Variants in ZNF140 observed in about 807,000 individuals in gnomAD.
ZNF140 encodes zinc finger protein 140, also known as zinc finger protein 140 (clone pHZ-39).
A neutral mutation model predicts 12.9 loss-of-function variants in ZNF140; 13 were observed. The observed-to-expected ratio is 1.01, with a 90% confidence interval of 0.66 to 1.60. ZNF140 has a LOEUF of 1.60. Ranked by LOEUF, ZNF140 falls within the 40% of genes most tolerant of loss-of-function variation. The pLI, the probability that ZNF140 is intolerant of heterozygous loss-of-function variation, is 0.00. For synonymous variants in ZNF140, 214 were observed against 186.7 expected, an observed-to-expected ratio of 1.15 and a Z score of -1.19; for missense variants, 531 against 548.8, an observed-to-expected ratio of 0.97 and a Z score of 0.32.
At position 133,106,464 on chromosome 12, in the gene ZNF140, G is replaced by A. The variant is rs767417735; in HGVS notation, c.1187G>A (p.Arg396Gln). The A allele has an allele frequency of 4.3e-6, 7 of 1,613,990 alleles. No individual in the cohort carries two copies. Among genetic ancestry groups the A allele is most frequent in the Admixed American group, 1.7e-5 (1 of 60,018 alleles). The change falls in exon 5 of 5, where the codon CGG (arginine) becomes CAG (glutamine). Residue 396 changes from arginine (R) to glutamine (Q), a missense_variant. Physicochemically the swap from Arg to Gln is conservative, Grantham distance 43. Transcript: ENST00000355557. ...ACAECDKAFS[R>Q]SFSLILHQRT... is the part of the protein sequence containing the mutation. ...GCTGAATGTGATAAAGCCTTCAGCC[G>A]GAGCTTTTCCCTCATTCTACATCAG...
Position 133,084,192 on chromosome 12 carries a change from C to A in ZNF140, c.232+631C>A. ...TTTTTGTTTTTTCTTTCCTTTCTTT[C>A]TTCAAATGGACATACATTTCTATTG... On this transcript the variant is annotated intron_variant, in intron 4 of 4. Coordinates refer to ENST00000355557, the MANE Select transcript of ZNF140 (RefSeq NM_003440.4). 7.0e-6 allele frequency: 3 copies of A among 425,978 alleles called. 1 individual carries two copies. The highest frequency in any genetic ancestry group is 5.2e-5 in the South Asian group (3 of 57,850). The allele number at this position is 425,978 out of a possible 1,614,324, so 26.4% of individuals were successfully genotyped here. A position where few individuals can be genotyped will look rare whatever the true frequency, so the allele number is the denominator to read the frequency against.
At position 133,106,808 on chromosome 12, in the gene ZNF140, A is replaced by C. The variant is rs1048042594; in HGVS notation, c.*157A>C. 1.0e-5 allele frequency: 6 copies of C among 589,124 alleles called. No homozygotes were observed. The highest frequency in any genetic ancestry group is 3.2e-5 in the East Asian group (1 of 31,532). The allele number at this position is 589,124 out of a possible 1,614,324, so 36.5% of individuals were successfully genotyped here. ...TATTCACCACCCTGGAGAAAAAAAAACCCAGGAATATGTGGAAAAGCCATT... is the reference window on the plus strand; with the variant it reads ...TATTCACCACCCTGGAGAAAAAAAACCCCAGGAATATGTGGAAAAGCCATT... On this transcript the variant is annotated 3_prime_UTR_variant, in exon 5 of 5. Coordinates refer to ENST00000355557, the MANE Select transcript of ZNF140 (RefSeq NM_003440.4).
intron 4 of ZNF140, among the ~76,000 whole-genome samples, chr12:133,084,857 C>T (rs1215935924): frequency 6.6e-6 from 1 of 152,112 alleles, no homozygotes; most frequent in African/African-American, 2.4e-5. Flanking sequence ...AAAGGAGGTA[C>T]TAATGTGGGC....
At position 133,081,377 on chromosome 12, in the gene ZNF140, TTA is replaced by T. The variant is rs1566299459; in HGVS notation, c.9+50_9+51del. On this transcript the variant is annotated intron_variant, in intron 2 of 4. Transcript: ENST00000355557. Reference sequence around the variant, plus strand: ...TATATATATATATATATATAAATTTTTATTTTTTTTTTAAGAGAGAGACAGGG... The same window carrying T: ...TATATATATATATATATATAAATTTTTTTTTTTTTTAAGAGAGAGACAGGG... 2.0e-4 allele frequency: 25 copies of T among 126,684 alleles called. 1 individual carries two copies. Among genetic ancestry groups the T allele is most frequent in the South Asian group, 1.5e-3 (9 of 5,960 alleles). The allele number at this position is 126,684 out of a possible 1,614,324, so 7.8% of individuals were successfully genotyped here.
At chr12:133,088,688 C>T (rs1954761989) in intron 4 of ZNF140, among the ~76,000 whole-genome samples, 2 of 152,170 alleles carry the variant, frequency 1.3e-5, no homozygotes, top group African/African-American at 4.8e-5. Context: ...AAATGTCTTC[C>T]AAAGTGATTG....
At chr12:133,099,964 T>C (rs1955276889) in intron 4 of ZNF140, among the ~76,000 whole-genome samples, 2 of 151,782 alleles carry the variant, frequency 1.3e-5, no homozygotes, top group South Asian at 4.2e-4. Context: ...ACTTCAAATA[T>C]TTCACTCCAC....
chr12:133,090,549 T>G (rs891118763), intron 4 of ZNF140, among the ~76,000 whole-genome samples: 7 of 152,068 alleles, frequency 4.6e-5, no homozygotes, highest in African/African-American at 1.2e-4. Flanking sequence ...AGGGGTGGCC[T>G]GCCCCTCCAC....
At chr12:133,100,292 TGAGTA>T (rs1190410526) in intron 4 of ZNF140, among the ~76,000 whole-genome samples, 1 of 147,538 alleles carries the variant, frequency 6.8e-6, no homozygotes, top group Non-Finnish European at 1.5e-5. Context: ...CTCAACCTCC[TGAGTA>T]GCTGGGACCA....
intron 4 of ZNF140, among the ~76,000 whole-genome samples, chr12:133,102,617 C>T (rs1251800142): frequency 6.6e-5 from 10 of 151,980 alleles, no homozygotes; most frequent in Admixed American, 2.6e-4. Context: ...GGCGTGGCAG[C>T]GTGTGCCTGT....
Position 133,105,874 on chromosome 12 carries a change from C to T in ZNF140, c.597C>T (p.Ser199=), listed in dbSNP as rs1955572532. 6.2e-7 allele frequency: 1 copy of T among 1,614,008 alleles called. No individual in the cohort carries two copies. Among genetic ancestry groups the T allele is most frequent in the African/African-American group, 1.3e-5 (1 of 74,898 alleles). ...YACKECGKTF[S]QISNLVKHQM... Reference sequence around the variant, plus strand: ...GTAAGGAATGTGGCAAAACCTTTAGCCAGATTTCAAACCTTGTGAAACACC... The same window carrying T: ...GTAAGGAATGTGGCAAAACCTTTAGTCAGATTTCAAACCTTGTGAAACACC... The change falls in exon 5 of 5, where the codon AGC becomes AGT. Residue 199 remains serine, a synonymous_variant. Coordinates refer to ENST00000355557, the MANE Select transcript of ZNF140 (RefSeq NM_003440.4).
Position 133,083,242 on chromosome 12 carries a change from C to T in ZNF140, c.136+13C>T. On this transcript the variant is annotated intron_variant, in intron 3 of 4. Coordinates refer to ENST00000355557, the MANE Select transcript of ZNF140 (RefSeq NM_003440.4). ...CTGGTCTCACTGGGTAAGTATTCTT[C>T]TTCATCTCCCTCAAGGCAAAATTTG... 1.2e-6 allele frequency: 2 copies of T among 1,602,712 alleles called. No homozygotes were observed. Among genetic ancestry groups the T allele is most frequent in the Non-Finnish European group, 1.7e-6 (2 of 1,171,364 alleles).
chr12:133,082,263 C>T (rs73160468), intron 2 of ZNF140: 33,362 of 152,152 alleles, frequency 0.22, 4,362 homozygotes, highest in Non-Finnish European at 0.3. Flanking sequence ...CAATTTCCAC[C>T]TCTGCTGCAG....
rs1955574481 is a variant in ZNF140, at chr12:133,105,927, A to G, written c.650A>G (p.His217Arg). Residue 217 changes from histidine to arginine, a missense_variant, in exon 5 of 5, where the codon CAT becomes CGT. Transcript: ENST00000355557. ...HQMIHTGKKPHECKDCNKTFS... is the reference protein window; with the variant it reads ...HQMIHTGKKPRECKDCNKTFS... Reference sequence around the variant, plus strand: ...ATGATACATACTGGAAAGAAACCCCATGAGTGTAAGGACTGTAATAAAACA... The same window carrying G: ...ATGATACATACTGGAAAGAAACCCCGTGAGTGTAAGGACTGTAATAAAACA... 1.9e-6 allele frequency: 3 copies of G among 1,614,180 alleles called. No individual in the cohort carries two copies. The highest frequency in any genetic ancestry group is 2.5e-6 in the Non-Finnish European group (3 of 1,180,024).
At chr12:133,100,706 C>G (rs2137565423) in intron 4 of ZNF140, among the ~76,000 whole-genome samples, 2 of 152,236 alleles carry the variant, frequency 1.3e-5, no homozygotes, top group South Asian at 4.1e-4. Flanking sequence ...TTTGGCATAT[C>G]TGAATTGTCA....
Position 133,093,479 on chromosome 12 carries a change from G to T in ZNF140, c.232+9918G>T, listed in dbSNP as rs1954964581. ...CCCATGTCGACGGCTCCGCTTTCTTGGTAGATGGAAACTTCTTTTGTAAGT... is the reference window on the plus strand; with the variant it reads ...CCCATGTCGACGGCTCCGCTTTCTTTGTAGATGGAAACTTCTTTTGTAAGT... On this transcript the variant is annotated intron_variant, in intron 4 of 4. Transcript: ENST00000355557. 4.3e-6 allele frequency: 3 copies of T among 699,018 alleles called. No individual in the cohort carries two copies. The South Asian group carries it at 4.5e-5, about 10-fold the overall frequency. The allele number at this position is 699,018 out of a possible 1,614,324, so 43.3% of individuals were successfully genotyped here.
At position 133,081,339 on chromosome 12, in the gene ZNF140, T is replaced by A. The variant is rs1255484204; in HGVS notation, c.9+10T>A. The stretch of plus-strand genomic sequence containing the variant: ...GTGAGCTATGTCTCAGGTAAGCTAA[T>A]GATTGATAAATATATATATATATAT... On this transcript the variant is annotated intron_variant, in intron 2 of 4. Coordinates refer to ENST00000355557, the MANE Select transcript of ZNF140 (RefSeq NM_003440.4). 12 of 739,236 alleles carry A rather than the reference T, an allele frequency of 1.6e-5. No individual in the cohort carries two copies. Among genetic ancestry groups the A allele is most frequent in the Non-Finnish European group, 2.3e-5 (11 of 481,620 alleles). The allele number at this position is 739,236 out of a possible 1,614,324, so 45.8% of individuals were successfully genotyped here. A position where few individuals can be genotyped will look rare whatever the true frequency, so the allele number is the denominator to read the frequency against.
chr12:133,090,073 T>A (rs1427222629), intron 4 of ZNF140, among the ~76,000 whole-genome samples: 8 of 152,122 alleles, frequency 5.3e-5, no homozygotes. Flanking sequence ...GGTCTTGAAC[T>A]CCTGACCTCC....
intron 2 of ZNF140, chr12:133,082,263 C>A (rs73160468): frequency 6.6e-6 from 1 of 152,190 alleles, no homozygotes; most frequent in East Asian, 1.9e-4. Flanking sequence ...CAATTTCCAC[C>A]TCTGCTGCAG....
At chr12:133,094,446 C>A (rs1361845426) in intron 4 of ZNF140, among the ~76,000 whole-genome samples, 4 of 150,952 alleles carry the variant, frequency 2.6e-5, no homozygotes, top group African/African-American at 9.8e-5. Flanking sequence ...AGAGGGCAGC[C>A]CAGGTTGGAG....
Sources: gnomAD v4.1 joint callset for allele counts (sites outside exome capture counted in the v4.1 genomes callset) on GRCh38, gnomAD v4.1.1 for gene constraint, MANE v1.5 for transcripts, NCBI Gene and HGNC (gene_info 2026-07-23, HGNC 2026-07-21) for gene names.